Variants in BRI3BP observed in about 807,000 individuals in gnomAD.
BRI3BP encodes the protein BRI3-binding protein.
Under a neutral mutation model 15.8 loss-of-function variants are expected in BRI3BP, and 7 were observed. The ratio of observed to expected loss-of-function variants is 0.44; its 90% CI spans 0.25 to 0.83. The LOEUF (loss-of-function observed/expected upper bound fraction) is 0.83. BRI3BP is among the 40% of genes least tolerant of loss of function. The pLI, the probability that BRI3BP is intolerant of heterozygous loss-of-function variation, is 0.20. For missense variants in BRI3BP, 320 were observed against 339.3 expected, an observed-to-expected ratio of 0.94 and a Z score of 0.45; for synonymous variants, 192 against 163.5, an observed-to-expected ratio of 1.17 and a Z score of -1.33.
intron 1 of BRI3BP, among the ~76,000 whole-genome samples, chr12:124,994,773 G>A (rs1379427537): frequency 2.0e-5 from 3 of 152,186 alleles, no homozygotes; most frequent in African/African-American, 7.2e-5. Flanking sequence ...GGACAGTTGT[G>A]TGTGGTATTG....
chr12:125,008,783 A>C (rs1184360817), intron 1 of BRI3BP, among the ~76,000 whole-genome samples: 1 of 152,180 alleles, frequency 6.6e-6, no homozygotes, highest in African/African-American at 2.4e-5. Flanking sequence ...ATATAGAATG[A>C]AATAATTATA....
chr12:124,996,796 TC>T (rs975975764), intron 1 of BRI3BP, among the ~76,000 whole-genome samples: 22 of 149,298 alleles, frequency 1.5e-4, no homozygotes, highest in African/African-American at 5.5e-4. Context: ...TATTGCTTTG[TC>T]GCCCAGGCTG....
chr12:125,003,956 AACACACACACACACACACACACAC>A (rs202194939), intron 1 of BRI3BP, among the ~76,000 whole-genome samples: 1 of 38,154 alleles, frequency 2.6e-5, no homozygotes, highest in Admixed American at 2.8e-4. Flanking sequence ...CCATCTCAAA[AACACACACACACACACACACACAC>A]ACACACACAC....
At chr12:125,047,271 C>A in the BRI3BP span, among the ~76,000 whole-genome samples, 1 of 151,860 alleles carries the variant, frequency 6.6e-6, no homozygotes, top group Non-Finnish European at 1.5e-5. Flanking sequence ...GCCTCAGCCT[C>A]CCAAGTAGCT....
chr12:125,043,329 C>G, the BRI3BP span, among the ~76,000 whole-genome samples: 2 of 152,078 alleles, frequency 1.3e-5, no homozygotes, highest in African/African-American at 2.4e-5. Context: ...AACGTCTACC[C>G]CAGAATCTTG....
At chr12:125,042,518 C>T in the BRI3BP span, among the ~76,000 whole-genome samples, 2 of 151,040 alleles carry the variant, frequency 1.3e-5, no homozygotes, top group Non-Finnish European at 2.9e-5. Context: ...CTGTGTTGCC[C>T]AGGCTTAAGT....
At chr12:125,050,565 T>C in the BRI3BP span, among the ~76,000 whole-genome samples, 5 of 152,226 alleles carry the variant, frequency 3.3e-5, no homozygotes, top group East Asian at 9.6e-4. Context: ...TTTTTGGAAA[T>C]GTTTCAGGAG....
At chr12:124,995,826 C>G (rs1425027112) in intron 1 of BRI3BP, among the ~76,000 whole-genome samples, 1 of 152,226 alleles carries the variant, frequency 6.6e-6, no homozygotes. Flanking sequence ...ATGGAGCCCA[C>G]ATTAGTATCT....
At chr12:125,001,740 T>G (rs2135988025) in intron 1 of BRI3BP, among the ~76,000 whole-genome samples, 1 of 152,088 alleles carries the variant, frequency 6.6e-6, no homozygotes, top group South Asian at 2.1e-4. Context: ...TTTTTTTTTT[T>G]GAGCTATAAT....
chr12:125,008,299 C>CTTTTTTTTTTTTTTTTTTTTTT (rs55697100), intron 1 of BRI3BP, among the ~76,000 whole-genome samples: 4 of 99,944 alleles, frequency 4.0e-5, no homozygotes, highest in Non-Finnish European at 7.4e-5. Flanking sequence ...CCTCTTCTTT[C>CTTTTTTTTTTTTTTTTTTTTTT]TTTTTTTTTT....
At chr12:125,013,416 C>T (rs1955213571) in intron 2 of BRI3BP, among the ~76,000 whole-genome samples, 1 of 152,184 alleles carries the variant, frequency 6.6e-6, no homozygotes, top group African/African-American at 2.4e-5. Context: ...ATTTGAGGAC[C>T]AGGAGGCCAC....
At chr12:125,021,115 A>G (rs1485662536) in intron 2 of BRI3BP, among the ~76,000 whole-genome samples, 1 of 152,160 alleles carries the variant, frequency 6.6e-6, no homozygotes, top group Non-Finnish European at 1.5e-5. Context: ...CTCCCAAGTC[A>G]ACCACATTTA....
In BRI3BP at chr12:125,025,713, TTATC is replaced by T. The variant is rs747626261; in HGVS notation, c.*285_*288del. On this transcript the variant is annotated 3_prime_UTR_variant, in exon 3 of 3. Transcript: ENST00000341446. ...TATTTAGTTGTACAGTAAGAGAAAT[TTATC>T]TGTGCATAGAGCATAAAGTTAATTT... 1.6e-4 allele frequency: 59 copies of T among 379,662 alleles called. No homozygotes were observed. The highest frequency in any genetic ancestry group is 3.9e-4 in the South Asian group (6 of 15,222). The allele number at this position is 379,662 out of a possible 1,614,324, so 23.5% of individuals were successfully genotyped here.
the BRI3BP span, among the ~76,000 whole-genome samples, chr12:125,048,193 T>TG: frequency 6.6e-6 from 1 of 151,922 alleles, no homozygotes; most frequent in Admixed American, 6.6e-5. Context: ...CCAGGGGAGT[T>TG]GGGGCACACT....
In BRI3BP at chr12:125,027,612, G is replaced by C. The variant is rs1380412803; in HGVS notation, c.*2182G>C. On this transcript the variant is annotated 3_prime_UTR_variant, in exon 3 of 3. Coordinates refer to ENST00000341446, the MANE Select transcript of BRI3BP (RefSeq NM_080626.6). ...TTGAACATGGGAGGCGGAGGTTGCAGTCAGCTGAGATCATACCACCACACT... is the reference window on the plus strand; with the variant it reads ...TTGAACATGGGAGGCGGAGGTTGCACTCAGCTGAGATCATACCACCACACT... The C allele has an allele frequency of 2.0e-5, 3 of 152,172 alleles. No individual in the cohort carries two copies. The highest frequency in any genetic ancestry group is 7.2e-5 in the African/African-American group (3 of 41,444). 9.4% of individuals were successfully genotyped at this position (152,172 alleles called of 1,614,324 possible).
At position 125,028,619 on chromosome 12, in the gene BRI3BP, G is replaced by C. The variant is rs1442189750; in HGVS notation, c.*3189G>C. On this transcript the variant is annotated 3_prime_UTR_variant, in exon 3 of 3. Transcript: ENST00000341446. The stretch of plus-strand genomic sequence containing the variant: ...CTACAGTTAGTAGGTGTCACCTCAG[G>C]GTAGAAATTCTGATAGAAATTCTGA... 1 of 152,066 alleles carries C rather than the reference G, an allele frequency of 6.6e-6. No individual in the cohort carries two copies. The highest frequency in any genetic ancestry group is 1.5e-5 in the Non-Finnish European group (1 of 68,022). The allele number at this position is 152,066 out of a possible 1,614,324, so 9.4% of individuals were successfully genotyped here. A position where few individuals can be genotyped will look rare whatever the true frequency, so the allele number is the denominator to read the frequency against.
chr12:125,043,585 T>A, the BRI3BP span, among the ~76,000 whole-genome samples: 1 of 151,124 alleles, frequency 6.6e-6, no homozygotes, highest in Admixed American at 6.6e-5. Flanking sequence ...TGGCCGGGTG[T>A]GGTGGCGCAC....
chr12:125,013,504 C>T (rs949337021), intron 2 of BRI3BP, among the ~76,000 whole-genome samples: 4 of 152,220 alleles, frequency 2.6e-5, no homozygotes, highest in Non-Finnish European at 5.9e-5. Flanking sequence ...ATATCAGCTG[C>T]AACACTTCAC....
At chr12:125,024,565 C>T (rs958349513) in intron 2 of BRI3BP, among the ~76,000 whole-genome samples, 2 of 151,924 alleles carry the variant, frequency 1.3e-5, no homozygotes, top group African/African-American at 2.4e-5. Flanking sequence ...TTTGGGAGGC[C>T]GAGGCAGGTG....
Sources: allele counts gnomAD v4.1 joint callset (sites outside exome capture counted in the v4.1 genomes callset), GRCh38; gene constraint gnomAD v4.1.1; transcripts MANE v1.5; gene names NCBI Gene and HGNC (gene_info 2026-07-23, HGNC 2026-07-21).